The following REDIC1 variants were observed in gnomAD, a reference collection of about 807,000 sequenced individuals.
The protein encoded by REDIC1 is HEI10 Interacting Protein 1.
the REDIC1 span, among the ~76,000 whole-genome samples, chr12:39,848,407 A>C: frequency 1.3e-5 from 2 of 152,202 alleles, no homozygotes; most frequent in Non-Finnish European, 2.9e-5. Flanking sequence ...CGTGCAGCCA[A>C]GGAGCATATG....
At chr12:39,788,254 CAAT>C in the REDIC1 span, among the ~76,000 whole-genome samples, 1 of 152,104 alleles carries the variant, frequency 6.6e-6, no homozygotes, top group Admixed American at 6.5e-5. Flanking sequence ...AAGAGATTAA[CAAT>C]AATAACTAAT....
chr12:39,721,799 C>G, the REDIC1 span: 1 of 151,850 alleles, frequency 6.6e-6, no homozygotes, highest in Non-Finnish European at 1.5e-5. Context: ...ATTTGCATAA[C>G]ATAGTTTTTT....
At chr12:39,791,048 C>A in the REDIC1 span, among the ~76,000 whole-genome samples, 1 of 131,734 alleles carries the variant, frequency 7.6e-6, no homozygotes, top group Non-Finnish European at 1.6e-5. Flanking sequence ...ATGTCCTTTG[C>A]CCACTTTTTG....
At chr12:39,711,391 GTACA>G in the REDIC1 span, among the ~76,000 whole-genome samples, 2 of 141,220 alleles carry the variant, frequency 1.4e-5, no homozygotes, top group Non-Finnish European at 3.1e-5. Flanking sequence ...ATGTATGTGT[GTACA>G]TATACACATA....
the REDIC1 span, among the ~76,000 whole-genome samples, chr12:39,895,030 C>T: frequency 4.9e-4 from 75 of 152,176 alleles, no homozygotes; most frequent in South Asian, 8.3e-4. Context: ...TCATAACCAA[C>T]GGCAGTGGAA....
chr12:39,895,342 T>G, the REDIC1 span, among the ~76,000 whole-genome samples: 1 of 151,184 alleles, frequency 6.6e-6, no homozygotes, highest in Non-Finnish European at 1.5e-5. Flanking sequence ...TACAAAAAAT[T>G]AGCCGGGCTT....
At chr12:39,696,595 C>A in the REDIC1 span, among the ~76,000 whole-genome samples, 3 of 126,762 alleles carry the variant, frequency 2.4e-5, no homozygotes, top group African/African-American at 8.7e-5. Flanking sequence ...GCACCAAGGA[C>A]CAACCCTGAA....
chr12:39,788,187 CTG>C, the REDIC1 span, among the ~76,000 whole-genome samples: 5 of 152,062 alleles, frequency 3.3e-5, no homozygotes, highest in Admixed American at 2.0e-4. Context: ...CCTATAGATG[CTG>C]TGTCATTTTC....
At chr12:39,884,356 C>T in the REDIC1 span, among the ~76,000 whole-genome samples, 22 of 152,180 alleles carry the variant, frequency 1.4e-4, no homozygotes, top group Non-Finnish European at 2.9e-4. Context: ...ATAAAAGACC[C>T]TTTAATTTTT....
the REDIC1 span, among the ~76,000 whole-genome samples, chr12:39,654,388 T>C: frequency 2.0e-4 from 30 of 152,026 alleles, no homozygotes; most frequent in Non-Finnish European, 3.8e-4. Context: ...GAGATCGAGA[T>C]CATCCTGACT....
chr12:39,730,970 A>G, the REDIC1 span, among the ~76,000 whole-genome samples: 1 of 152,010 alleles, frequency 6.6e-6, no homozygotes, highest in South Asian at 2.1e-4. Context: ...TGTATGCTTC[A>G]CGAAGTTCTT....
chr12:39,880,318 A>C, the REDIC1 span, among the ~76,000 whole-genome samples: 1 of 152,202 alleles, frequency 6.6e-6, no homozygotes, highest in Non-Finnish European at 1.5e-5. Flanking sequence ...AAAATGTTTT[A>C]CTCAAGATAC....
chr12:39,804,463 A>G, the REDIC1 span, among the ~76,000 whole-genome samples: 1 of 152,228 alleles, frequency 6.6e-6, no homozygotes, highest in African/African-American at 2.4e-5. Flanking sequence ...TGCTAGATTA[A>G]TAATAATAAC....
the REDIC1 span, among the ~76,000 whole-genome samples, chr12:39,778,691 C>G: frequency 6.6e-6 from 1 of 152,264 alleles, no homozygotes; most frequent in East Asian, 1.9e-4. Flanking sequence ...TTTCGTCATT[C>G]ATTTCTTCAC....
At chr12:39,701,219 T>C in the REDIC1 span, among the ~76,000 whole-genome samples, 15 of 151,942 alleles carry the variant, frequency 9.9e-5, no homozygotes, top group African/African-American at 3.4e-4. Context: ...ACACATAGGC[T>C]CAAAATAAAA....
chr12:39,787,467 T>G, the REDIC1 span, among the ~76,000 whole-genome samples: 4 of 152,284 alleles, frequency 2.6e-5, no homozygotes, highest in South Asian at 4.1e-4. Context: ...GAGAAATCCT[T>G]TATCGGGATT....
the REDIC1 span, among the ~76,000 whole-genome samples, chr12:39,883,136 T>G: frequency 6.6e-6 from 1 of 152,214 alleles, no homozygotes; most frequent in African/African-American, 2.4e-5. Context: ...TATATATCAT[T>G]AAATTTTAAT....
At chr12:39,715,733 A>T in the REDIC1 span, among the ~76,000 whole-genome samples, 3 of 151,948 alleles carry the variant, frequency 2.0e-5, no homozygotes, top group African/African-American at 7.2e-5. Context: ...TTTCATTTGC[A>T]TGCCCTTTGC....
At chr12:39,899,629 T>G in the REDIC1 span, among the ~76,000 whole-genome samples, 1 of 152,156 alleles carries the variant, frequency 6.6e-6, no homozygotes, top group African/African-American at 2.4e-5. Flanking sequence ...GTGCTATAAA[T>G]TTCCCTCTAC....
Sources: allele counts gnomAD v4.1 joint callset (sites outside exome capture counted in the v4.1 genomes callset), GRCh38; gene constraint gnomAD v4.1.1; transcripts MANE v1.5; gene names NCBI Gene and HGNC (gene_info 2026-07-23, HGNC 2026-07-21).